Variants in UTRN observed in about 807,000 individuals in gnomAD.
UTRN encodes utrophin.
UTRN carries 283 observed loss-of-function variants against 463.9 expected under a neutral mutation model. That is an observed-to-expected ratio of 0.61 (90% CI 0.55 to 0.67). UTRN has a LOEUF of 0.67. Among genes scored for constraint, UTRN ranks in the 30% least tolerant of loss-of-function variants. UTRN has a pLI of 0.00. For missense variants in UTRN, 3,922 were observed against 4,084.3 expected (o/e 0.96, Z 1.08); for synonymous variants, 1,442 against 1,431.5 (o/e 1.01, Z -0.17).
chr6:144,437,660 A>G lies in UTRN; in HGVS notation c.1155A>G (p.Glu385=). The G allele has an allele frequency of 1.2e-6, 2 of 1,614,188 alleles. No homozygotes were observed. Among genetic ancestry groups the G allele is most frequent in the Non-Finnish European group, 1.7e-6 (2 of 1,180,022 alleles). Residue 385 remains glutamate (E), a synonymous_variant, in exon 11 of 75, where the codon GAA becomes GAG. Coordinates refer to ENST00000367545, the MANE Select transcript of UTRN (RefSeq NM_007124.3). Reference sequence around the variant, plus strand: ...TAACACAAGGAACTCTGTCAGACGAAGAAGAATTTGAGATTCAGGAACAGA... The same window carrying G: ...TAACACAAGGAACTCTGTCAGACGAGGAAGAATTTGAGATTCAGGAACAGA... ...QLITQGTLSD[E]EEFEIQEQMT...
intron 51 of UTRN, among the ~76,000 whole-genome samples, chr6:144,606,395 G>A (rs1375346836): frequency 1.3e-5 from 2 of 152,166 alleles, no homozygotes; most frequent in Non-Finnish European, 1.5e-5. Context: ...GACAATATTG[G>A]CAGTAGCACA....
chr6:144,496,681 G>T (rs1257222986), intron 33 of UTRN, among the ~76,000 whole-genome samples: 1 of 152,206 alleles, frequency 6.6e-6, no homozygotes, highest in African/African-American at 2.4e-5. Flanking sequence ...TTAGGGTAGT[G>T]AAAGAGAAAA....
At chr6:144,519,644 T>C (rs1585099558) in intron 39 of UTRN, among the ~76,000 whole-genome samples, 1 of 152,266 alleles carries the variant, frequency 6.6e-6, no homozygotes, top group Admixed American at 6.5e-5. Flanking sequence ...AAAAAATCTA[T>C]TTTGGGAATA....
At position 144,738,383 on chromosome 6, in the gene UTRN, C is replaced by T. The variant is rs150062302; in HGVS notation, c.7939+7897C>T. ...CCTTCACCCACCCCTACCCCCAAAC[C>T]TCCAGAGGGAATTAGGGAATATTTG... On this transcript the variant is annotated intron_variant, in intron 54 of 74. Coordinates refer to ENST00000367545, the MANE Select transcript of UTRN (RefSeq NM_007124.3). Among the ~76,000 whole-genome samples, 392 of 152,328 alleles carry T rather than the reference C, an allele frequency of 2.6e-3. 4 individuals are homozygous for T. The highest frequency in any genetic ancestry group is 8.9e-3 in the African/African-American group (370 of 41,574).
intron 53 of UTRN, among the ~76,000 whole-genome samples, chr6:144,701,115 C>G (rs376601076): frequency 1.1e-4 from 17 of 152,252 alleles, no homozygotes; most frequent in African/African-American, 3.6e-4. Context: ...CCATGTTGGT[C>G]AGGCTGGTCT....
chr6:144,660,062 G>A (rs879372075), intron 51 of UTRN: 2 of 362,682 alleles, frequency 5.5e-6, no homozygotes, highest in South Asian at 2.2e-5. Flanking sequence ...CCCAGCGCAA[G>A]CTGCCGCTGC....
chr6:144,474,662 A>C lies in UTRN; in HGVS notation c.3239A>C (p.Glu1080Ala). ...TCTCTGAAAAACATGAAGGAAATAGAGACTAATCTTCGAAGTGGTCCAGTT... is the reference window on the plus strand; with the variant it reads ...TCTCTGAAAAACATGAAGGAAATAGCGACTAATCTTCGAAGTGGTCCAGTT... ...ESSLKNMKEI[E>A]TNLRSGPVAG... Residue 1080 changes from glutamate (E) to alanine (A), a missense_variant, in exon 25 of 75, where the codon GAG becomes GCG. Physicochemically the swap from Glu to Ala is moderately radical, Grantham distance 107. This residue lies in a region of UTRN where 2,349 missense variants were observed against 2,303.8 expected (regional missense o/e 1.02). Coordinates refer to ENST00000367545, the MANE Select transcript of UTRN (RefSeq NM_007124.3). The C allele has an allele frequency of 6.2e-7, 1 of 1,614,056 alleles. No homozygotes were observed. Among genetic ancestry groups the C allele is most frequent in the Non-Finnish European group, 8.5e-7 (1 of 1,179,966 alleles).
chr6:144,330,665 A>G (rs1776267564), intron 2 of UTRN, among the ~76,000 whole-genome samples: 1 of 152,194 alleles, frequency 6.6e-6, no homozygotes, highest in African/African-American at 2.4e-5. Context: ...CTAGGCAGAT[A>G]AGTGTTGTCA....
intron 6 of UTRN, 115 bp downstream of exon 6, chr6:144,424,193 ATTTG>A (rs1785096467): frequency 8.0e-6 from 9 of 1,122,110 alleles, no homozygotes; most frequent in Non-Finnish European, 1.2e-5. Flanking sequence ...AACAACAGAA[ATTTG>A]TTGTCTCCCA....
chr6:144,681,948 T>G (rs1161860762), intron 52 of UTRN, among the ~76,000 whole-genome samples: 2 of 152,134 alleles, frequency 1.3e-5, no homozygotes, highest in Non-Finnish European at 2.9e-5. Context: ...GAAAATGTGG[T>G]ATCTATCCCC....
chr6:144,322,594 C>A (rs1775728411), intron 2 of UTRN, among the ~76,000 whole-genome samples: 2 of 152,148 alleles, frequency 1.3e-5, no homozygotes, highest in Non-Finnish European at 2.9e-5. Flanking sequence ...CACACAGGGA[C>A]TCATTAAATG....
At chr6:144,488,567 T>G in intron 29 of UTRN, 106 bp from the exon 30 acceptor site, 7 of 1,068,924 alleles carry the variant, frequency 6.5e-6, no homozygotes, top group Non-Finnish European at 9.1e-6. Flanking sequence ...AAAGCTAAAG[T>G]CTTGGATGAA....
intron 42 of UTRN, 80 bp from the exon 43 acceptor site, chr6:144,533,005 C>A: frequency 1.4e-6 from 1 of 713,660 alleles, no homozygotes; most frequent in Non-Finnish European, 2.3e-6. Context: ...TAAATTGATA[C>A]CACAATACTT....
At chr6:144,323,691 T>G (rs1775805821) in intron 2 of UTRN, among the ~76,000 whole-genome samples, 1 of 152,266 alleles carries the variant, frequency 6.6e-6, no homozygotes, top group African/African-American at 2.4e-5. Context: ...CTTGTTTTTT[T>G]GGTCATATAT....
At chr6:144,603,734 A>T (rs1383271136) in intron 51 of UTRN, among the ~76,000 whole-genome samples, 4 of 152,222 alleles carry the variant, frequency 2.6e-5, no homozygotes, top group Admixed American at 2.6e-4. Flanking sequence ...CATTCCAATG[A>T]TTTATTAAAA....
chr6:144,521,951 A>ATTT (rs201203073), intron 39 of UTRN, 29 bp from the exon 40 acceptor site: 6 of 1,207,490 alleles, frequency 5.0e-6, no homozygotes, highest in African/African-American at 3.6e-5. Context: ...ATATATATAT[A>ATTT]TATATTTTTT....
At chr6:144,454,702 C>T (rs1788650839) in intron 19 of UTRN, among the ~76,000 whole-genome samples, 1 of 152,098 alleles carries the variant, frequency 6.6e-6, no homozygotes, top group Non-Finnish European at 1.5e-5. Context: ...AATGAACTTC[C>T]TTGTATCAGT....
intron 2 of UTRN, among the ~76,000 whole-genome samples, chr6:144,314,929 T>TA (rs1163544334): frequency 6.6e-6 from 1 of 151,836 alleles, no homozygotes; most frequent in African/African-American, 2.4e-5. Context: ...TACCTATGTA[T>TA]ATATATACCT....
At chr6:144,817,425 A>G (rs1253551668) in intron 65 of UTRN, among the ~76,000 whole-genome samples, 1 of 152,184 alleles carries the variant, frequency 6.6e-6, no homozygotes, top group Non-Finnish European at 1.5e-5. Context: ...ATTTCCTTAA[A>G]AAAAAGAAAA....
Sources: gnomAD v4.1 joint callset for allele counts (sites outside exome capture counted in the v4.1 genomes callset) on GRCh38, gnomAD v4.1.1 for gene constraint, gnomAD v4.1.1 regional missense constraint, MANE v1.5 for transcripts, NCBI Gene and HGNC (gene_info 2026-07-23, HGNC 2026-07-21) for gene names.